The following DCLRE1C variants were observed in gnomAD, a reference collection of about 807,000 sequenced individuals.
DCLRE1C encodes protein artemis.
In DCLRE1C, 47 loss-of-function variants were observed where a neutral mutation model predicts 61.4. The observed-to-expected ratio is 0.77, with a 90% CI of 0.61 to 0.98. The LOEUF (loss-of-function observed/expected upper bound fraction) is 0.98, where lower values mean the gene tolerates loss of function less well. Among genes scored for constraint, DCLRE1C ranks in the 50% least tolerant of loss-of-function variants. The pLI is 0.00. For synonymous variants in DCLRE1C, 337 were observed against 287.6 expected, an observed-to-expected ratio of 1.17 and a Z score of -1.74; for missense variants, 858 against 816.0, an observed-to-expected ratio of 1.05 and a Z score of -0.63.
intron 13 of DCLRE1C, among the ~76,000 whole-genome samples, chr10:14,911,523 CTG>C (rs960699155): frequency 1.3e-5 from 2 of 152,258 alleles, no homozygotes; most frequent in Middle Eastern, 3.4e-3. Context: ...TCAAAACTGA[CTG>C]TAAAATTATG....
chr10:14,910,082 G>C (rs1835001156), intron 13 of DCLRE1C, among the ~76,000 whole-genome samples: 1 of 152,060 alleles, frequency 6.6e-6, no homozygotes, highest in African/African-American at 2.4e-5. Context: ...TGCTGAATCT[G>C]GTGTTATAAT....
intron 12 of DCLRE1C, 32 bp from the exon 13 acceptor site, chr10:14,919,864 T>C: frequency 1.9e-6 from 3 of 1,558,338 alleles, no homozygotes; most frequent in Non-Finnish European, 2.7e-6. Context: ...GATTTTTCCT[T>C]TTGAGGAAGT....
chr10:14,925,456 C>A (rs1837817902), intron 11 of DCLRE1C, among the ~76,000 whole-genome samples: 1 of 152,114 alleles, frequency 6.6e-6, no homozygotes, highest in African/African-American at 2.4e-5. Context: ...TTATAGTCAC[C>A]ATAAATGCTG....
chr10:14,918,388 C>A (rs1324834503), intron 13 of DCLRE1C, among the ~76,000 whole-genome samples: 2 of 152,126 alleles, frequency 1.3e-5, no homozygotes, highest in African/African-American at 4.8e-5. Context: ...CTATATGATT[C>A]TATTTATATG....
chr10:14,899,051 A>G (rs1484718435), exon 14 of DCLRE1C: 1 of 586,086 alleles, frequency 1.7e-6, no homozygotes, highest in Non-Finnish European at 3.0e-6. Flanking sequence ...TCATAAATCA[A>G]CCAGTTACAG....
In DCLRE1C at chr10:14,932,829, CGAGAG is replaced by C; in HGVS notation, c.780+20_780+24del. ...TTTTTCATAGATTACACAAACAATA[CGAGAG>C]GAATCACTTGCACACGTACCTTGGG... is the stretch of plus-strand genomic sequence containing the variant. On this transcript the variant is annotated intron_variant, in intron 9 of 13. Coordinates refer to ENST00000378278, the MANE Select transcript of DCLRE1C (RefSeq NM_001033855.3). 1 of 1,611,246 alleles carries C rather than the reference CGAGAG, an allele frequency of 6.2e-7. No homozygotes were observed. The highest frequency in any genetic ancestry group is 8.5e-7 in the Non-Finnish European group (1 of 1,177,394).
Position 14,907,763 on chromosome 10 carries a change from G to T in DCLRE1C, c.*645C>A, listed in dbSNP as rs1310023549. ...GACAGCAGATCACTGGGTTATGTTG[G>T]TTTTTTCCGTGTCTCTTGTCATTGA... On this transcript the variant is annotated 3_prime_UTR_variant, in exon 14 of 14. Transcript: ENST00000378278. 4.0e-5 allele frequency: 6 copies of T among 149,720 alleles called. No individual in the cohort carries two copies. Among genetic ancestry groups the T allele is most frequent in the African/African-American group, 1.5e-4 (6 of 40,452 alleles). The allele number at this position is 149,720 out of a possible 1,614,324, so 9.3% of individuals were successfully genotyped here.
At chr10:14,910,594 C>G (rs1188085005) in intron 13 of DCLRE1C, among the ~76,000 whole-genome samples, 5 of 152,056 alleles carry the variant, frequency 3.3e-5, no homozygotes. Context: ...TTGCCTAGCC[C>G]AAAATTACCT....
At chr10:14,916,480 G>A (rs1400469971) in intron 13 of DCLRE1C, among the ~76,000 whole-genome samples, 1 of 152,126 alleles carries the variant, frequency 6.6e-6, no homozygotes, top group Admixed American at 6.5e-5. Context: ...AATCCTTATT[G>A]CAGCATTTTA....
intron 9 of DCLRE1C, among the ~76,000 whole-genome samples, chr10:14,932,566 G>T (rs930514607): frequency 6.6e-6 from 1 of 152,040 alleles, no homozygotes; most frequent in Non-Finnish European, 1.5e-5. Flanking sequence ...AACCCAGGGG[G>T]CGGAGCTTGC....
intron 11 of DCLRE1C, among the ~76,000 whole-genome samples, chr10:14,926,637 G>A (rs1426104125): frequency 1.5e-5 from 2 of 131,628 alleles, no homozygotes; most frequent in Non-Finnish European, 3.2e-5. Context: ...CTGGGCGACA[G>A]AGTAAAACAC....
intron 1 of DCLRE1C, among the ~76,000 whole-genome samples, chr10:14,952,822 T>TG (rs1380931095): frequency 8.6e-5 from 13 of 151,802 alleles, no homozygotes; most frequent in Admixed American, 5.9e-4. Context: ...GGTGGCTTTG[T>TG]GGAAAAAAAA....
At position 14,905,065 on chromosome 10, in the gene DCLRE1C, C is replaced by T. The variant is rs1834278217; in HGVS notation, c.*3343G>A. ...TATTTACCATGGCTTAGCTTTGTTT[C>T]TGTTTTACAGTCATTTCCAGTAAGA... On this transcript the variant is annotated 3_prime_UTR_variant, in exon 14 of 14. Transcript: ENST00000378278. Among the ~76,000 whole-genome samples, 1 of 152,190 alleles carries T rather than the reference C, an allele frequency of 6.6e-6. No individual in the cohort carries two copies. The highest frequency in any genetic ancestry group is 1.5e-5 in the Non-Finnish European group (1 of 68,010).
intron 13 of DCLRE1C, among the ~76,000 whole-genome samples, chr10:14,917,067 A>C (rs1836318002): frequency 6.6e-6 from 1 of 152,256 alleles, no homozygotes; most frequent in South Asian, 2.1e-4. Flanking sequence ...ATTATGAAAC[A>C]TAAGAAAGAA....
intron 13 of DCLRE1C, among the ~76,000 whole-genome samples, chr10:14,917,679 C>T (rs1836429345): frequency 6.6e-6 from 1 of 151,970 alleles, no homozygotes; most frequent in Non-Finnish European, 1.5e-5. Flanking sequence ...TAAAAATTAG[C>T]CAGGCATGGT....
At chr10:14,919,341 G>T (rs1467796054) in intron 13 of DCLRE1C, among the ~76,000 whole-genome samples, 1 of 151,964 alleles carries the variant, frequency 6.6e-6, no homozygotes, top group Non-Finnish European at 1.5e-5. Context: ...AAATGATGAT[G>T]AGAAAAGTCT....
intron 9 of DCLRE1C, among the ~76,000 whole-genome samples, chr10:14,928,407 A>G (rs1218799722): frequency 6.6e-6 from 1 of 152,198 alleles, no homozygotes; most frequent in African/African-American, 2.4e-5. Flanking sequence ...AACGATCTAT[A>G]TATCAAAGGA....
At chr10:14,947,679 A>T (rs546717963) in intron 2 of DCLRE1C, 1 of 152,244 alleles carries the variant, frequency 6.6e-6, no homozygotes, top group African/African-American at 2.4e-5. Context: ...AATGTCAGGT[A>T]CAAGTGTGCA....
At chr10:14,910,851 G>C (rs1056881272) in intron 13 of DCLRE1C, among the ~76,000 whole-genome samples, 1 of 152,168 alleles carries the variant, frequency 6.6e-6, no homozygotes, top group Non-Finnish European at 1.5e-5. Flanking sequence ...TGGACATCGA[G>C]CAATTAAGGA....
Sources: allele counts gnomAD v4.1 joint callset (sites outside exome capture counted in the v4.1 genomes callset), GRCh38; gene constraint gnomAD v4.1.1; transcripts MANE v1.5; gene names NCBI Gene and HGNC (gene_info 2026-07-23, HGNC 2026-07-21).